The following GALNT7 variants were observed in gnomAD, a reference collection of about 807,000 sequenced individuals.
The protein encoded by GALNT7 is polypeptide N-acetylgalactosaminyltransferase 7.
In GALNT7, 60 loss-of-function variants were observed where a neutral mutation model predicts 82.1. The observed-to-expected ratio is 0.73, with a 90% CI of 0.59 to 0.91. The LOEUF is 0.91. Among genes scored for constraint, GALNT7 ranks in the 40% least tolerant of loss-of-function variants. The probability of loss-of-function intolerance (pLI) is 0.00; values close to 1 mark genes in which losing one functional copy is unlikely to be tolerated. For synonymous variants in GALNT7, 243 were observed against 275.1 expected (o/e 0.88, Z 1.15); for missense variants, 660 against 804.2 (o/e 0.82, Z 2.17).
intron 2 of GALNT7, among the ~76,000 whole-genome samples, chr4:173,283,063 G>A (rs966219045): frequency 3.3e-5 from 5 of 152,284 alleles, no homozygotes; most frequent in African/African-American, 1.2e-4. Flanking sequence ...TTGGTTTACA[G>A]GAATAAGCAG....
intron 2 of GALNT7, among the ~76,000 whole-genome samples, chr4:173,278,033 C>T (rs1735979620): frequency 6.6e-6 from 1 of 152,180 alleles, no homozygotes; most frequent in Non-Finnish European, 1.5e-5. Flanking sequence ...TGGGAAAATA[C>T]TACCTTATAT....
chr4:173,306,185 C>A (rs936078195), intron 8 of GALNT7, among the ~76,000 whole-genome samples: 1 of 151,856 alleles, frequency 6.6e-6, no homozygotes, highest in Non-Finnish European at 1.5e-5. Flanking sequence ...ACAGATAGAC[C>A]ACCGTTAGCA....
chr4:173,171,559 C>G (rs1579872689), intron 1 of GALNT7, among the ~76,000 whole-genome samples: 1 of 152,242 alleles, frequency 6.6e-6, no homozygotes, highest in African/African-American at 2.4e-5. Context: ...ATGGTCCTTT[C>G]TCATCTGCAC....
At chr4:173,242,552 A>G (rs538481344) in intron 1 of GALNT7, among the ~76,000 whole-genome samples, 2 of 152,324 alleles carry the variant, frequency 1.3e-5, no homozygotes, top group East Asian at 3.9e-4. Context: ...CTGATTAAGC[A>G]CAAATTCCTT....
chr4:173,205,045 G>A (rs1267544176), intron 1 of GALNT7, among the ~76,000 whole-genome samples: 3 of 152,218 alleles, frequency 2.0e-5, no homozygotes, highest in African/African-American at 7.2e-5. Context: ...TACTACTGGA[G>A]CCCTTGGACT....
chr4:173,248,357 C>T lies in GALNT7; in HGVS notation c.504C>T (p.Ala168=), dbSNP rs1561172293. Residue 168 remains alanine, a synonymous_variant, in exon 2 of 12, where the codon GCC becomes GCT. Coordinates refer to ENST00000265000, the MANE Select transcript of GALNT7 (RefSeq NM_017423.3). ...LGPEFKQAIQ[A]SIKEFGFNMV... ...CAGAATTCAAACAAGCAATTCAAGC[C>T]AGCATTAAAGAGTTTGGATTTAACA... is the stretch of plus-strand genomic sequence containing the variant. 6.2e-7 allele frequency: 1 copy of T among 1,613,784 alleles called. No individual in the cohort carries two copies. The highest frequency in any genetic ancestry group is 1.1e-5 in the South Asian group (1 of 91,084).
chr4:173,176,878 T>C (rs1373710657), intron 1 of GALNT7, among the ~76,000 whole-genome samples: 1 of 152,114 alleles, frequency 6.6e-6, no homozygotes, highest in Non-Finnish European at 1.5e-5. Flanking sequence ...TAAGGAATAA[T>C]CTGGAAACAG....
intron 2 of GALNT7, among the ~76,000 whole-genome samples, chr4:173,268,586 C>T (rs374281667): frequency 1.7e-5 from 2 of 116,782 alleles, no homozygotes; most frequent in African/African-American, 6.6e-5. Flanking sequence ...GTAGCCCAGG[C>T]GTGGCGCCAT....
At chr4:173,288,301 A>AAAAAAAAAAAAAAAAAAAAAAAG (rs1289159201) in intron 2 of GALNT7, among the ~76,000 whole-genome samples, 1 of 148,264 alleles carries the variant, frequency 6.7e-6, no homozygotes, top group African/African-American at 2.6e-5. Flanking sequence ...AAAAAAAAAA[A>AAAAAAAAAAAAAAAAAAAAAAAG]AAAAGAAAAG....
intron 1 of GALNT7, among the ~76,000 whole-genome samples, chr4:173,203,556 A>G (rs13141844): frequency 0.72 from 108,756 of 152,098 alleles, 40,329 homozygotes; most frequent in East Asian, 0.88. Context: ...CTCTCTTGCT[A>G]TCTTTTTTAT....
chr4:173,173,344 T>C (rs968634599), intron 1 of GALNT7, among the ~76,000 whole-genome samples: 42 of 151,976 alleles, frequency 2.8e-4, no homozygotes, highest in African/African-American at 9.7e-4. Flanking sequence ...TTTAATTAAA[T>C]AAATTATGTC....
At chr4:173,293,260 T>G (rs1736604690) in intron 3 of GALNT7, among the ~76,000 whole-genome samples, 1 of 152,068 alleles carries the variant, frequency 6.6e-6, no homozygotes, top group Non-Finnish European at 1.5e-5. Context: ...CCTCAGAGTA[T>G]TCTGTATTTT....
rs75508499 is a variant in GALNT7 at position 173,273,660 on chromosome 4, A to T, written c.588-18448A>T. 3.0e-4 allele frequency among the ~76,000 whole-genome samples: 46 copies of T among 152,280 alleles called. 1 individual carries two copies. In the East Asian group the frequency reaches 8.3e-3, roughly 27 times the overall value. Reference sequence around the variant, plus strand: ...TCATAGTGTGCTCATTGTCAGTCGTACCCCAGAACTGTGCACACAGGAGCC... The same window carrying T: ...TCATAGTGTGCTCATTGTCAGTCGTTCCCCAGAACTGTGCACACAGGAGCC... On this transcript the variant is annotated intron_variant, in intron 2 of 11. Coordinates refer to ENST00000265000, the MANE Select transcript of GALNT7 (RefSeq NM_017423.3).
At chr4:173,200,293 C>T (rs1425420087) in intron 1 of GALNT7, among the ~76,000 whole-genome samples, 1 of 152,038 alleles carries the variant, frequency 6.6e-6, no homozygotes, top group Non-Finnish European at 1.5e-5. Flanking sequence ...TACAGAGAGT[C>T]ACATTTTCCC....
Position 173,317,621 on chromosome 4 carries a change from T to C in GALNT7, c.1609-13T>C, listed in dbSNP as rs1737652016. 6.5e-7 allele frequency: 1 copy of C among 1,540,242 alleles called. No homozygotes were observed. Among genetic ancestry groups the C allele is most frequent in the African/African-American group, 1.4e-5 (1 of 73,370 alleles). On this transcript the variant is annotated splice_polypyrimidine_tract_variant and intron_variant, in intron 9 of 11. Coordinates refer to ENST00000265000, the MANE Select transcript of GALNT7 (RefSeq NM_017423.3). The stretch of plus-strand genomic sequence containing the variant: ...CTGTTGCCTGCTTTTTGCGTCTTTA[T>C]TCATTTTTTTAGATCAGAGGCTTCG...
At chr4:173,229,756 T>TC (rs1239883505) in intron 1 of GALNT7, among the ~76,000 whole-genome samples, 1 of 152,180 alleles carries the variant, frequency 6.6e-6, no homozygotes, top group Non-Finnish European at 1.5e-5. Flanking sequence ...TCTTCTACCT[T>TC]CTCCTCATCG....
intron 8 of GALNT7, among the ~76,000 whole-genome samples, chr4:173,309,245 G>C (rs533023013): frequency 6.6e-6 from 1 of 152,326 alleles, no homozygotes; most frequent in Admixed American, 6.5e-5. Flanking sequence ...CACAGTTCTA[G>C]TTCCTTCTAT....
chr4:173,314,264 T>C (rs1208289871), intron 9 of GALNT7, 88 bp downstream of exon 9: 1 of 914,274 alleles, frequency 1.1e-6, no homozygotes, highest in Non-Finnish European at 1.8e-6. Flanking sequence ...GAGGGAAGTA[T>C]TCTTGGGGAA....
intron 2 of GALNT7, among the ~76,000 whole-genome samples, chr4:173,261,257 A>C (rs1184710726): frequency 6.6e-6 from 1 of 152,094 alleles, no homozygotes; most frequent in Non-Finnish European, 1.5e-5. Context: ...ACCCATACTC[A>C]TTCACCCTAG....
Sources: allele counts gnomAD v4.1 joint callset (sites outside exome capture counted in the v4.1 genomes callset), GRCh38; gene constraint gnomAD v4.1.1; transcripts MANE v1.5; gene names NCBI Gene and HGNC (gene_info 2026-07-23, HGNC 2026-07-21).